Variants in TENT5D observed in about 807,000 individuals in gnomAD.
TENT5D encodes cancer/testis antigen 112.
For missense variants in TENT5D, 191 were observed against 287.0 expected, an observed-to-expected ratio of 0.67 and a Z score of 2.42; for synonymous variants, 103 against 100.6, an observed-to-expected ratio of 1.02 and a Z score of -0.15.
At chrX:80,405,916 C>G (rs985318882) in intron 3 of TENT5D, among the ~76,000 whole-genome samples, 2 of 110,174 alleles carry the variant, frequency 1.8e-5, no homozygotes, top group Non-Finnish European at 3.8e-5. Context: ...AACGGGCAGA[C>G]TGCCTCCTCA....
chrX:80,404,019 G>A (rs774209398), intron 3 of TENT5D, among the ~76,000 whole-genome samples: 5 of 111,318 alleles, frequency 4.5e-5, no homozygotes, highest in Admixed American at 1.9e-4. Flanking sequence ...AGGGGCTTCC[G>A]GGTTAGAAAT....
chrX:80,384,961 A>G lies in TENT5D; in HGVS notation c.-142+42397A>G, dbSNP rs759567581. 4.3e-3 allele frequency among the ~76,000 whole-genome samples: 481 copies of G among 111,725 alleles called. 2 individuals are homozygous for G. The highest frequency in any genetic ancestry group is 0.015 in the African/African-American group (451 of 30,736). On this transcript the variant is annotated intron_variant, in intron 3 of 4. Transcript: ENST00000538312. ...GGAAGAATATTCCATGCTCATGGAT[A>G]GGAAGAATCAATATTGTGAAAATGG...
upstream of TENT5D, among the ~76,000 whole-genome samples, chrX:80,418,438 A>G (rs1450192547): frequency 1.8e-5 from 2 of 111,839 alleles, no homozygotes; most frequent in African/African-American, 3.2e-5. Context: ...TAAAAAGTAT[A>G]TGTATCCAAA....
chrX:80,354,547 G>T (rs1930246500), intron 3 of TENT5D, among the ~76,000 whole-genome samples: 1 of 111,705 alleles, frequency 9.0e-6, no homozygotes, highest in South Asian at 3.7e-4. Context: ...GTTCAGTTTG[G>T]TTCTTTCTTA....
intron 3 of TENT5D, among the ~76,000 whole-genome samples, chrX:80,411,531 C>T (rs1931666611): frequency 9.0e-6 from 1 of 111,386 alleles, no homozygotes; most frequent in Non-Finnish European, 1.9e-5. Context: ...CCAAAAATTC[C>T]TCTTTATGTT....
chrX:80,383,586 T>C (rs1057333451), intron 3 of TENT5D, among the ~76,000 whole-genome samples: 1 of 112,284 alleles, frequency 8.9e-6, no homozygotes, highest in East Asian at 2.8e-4. Flanking sequence ...GCCGGGCGCA[T>C]TGGCTCACGC....
At chrX:80,430,379 G>A (rs1350850285) in intron 1 of TENT5D, among the ~76,000 whole-genome samples, 2 of 111,206 alleles carry the variant, frequency 1.8e-5, no homozygotes, top group Middle Eastern at 4.7e-3. Flanking sequence ...TATGACTGCT[G>A]GGAGCCCTGG....
intron 1 of TENT5D, among the ~76,000 whole-genome samples, chrX:80,429,469 A>AT (rs774905381): frequency 0.031 from 3,130 of 102,592 alleles, 53 homozygotes; most frequent in Non-Finnish European, 0.045. Flanking sequence ...CGCCCAGCTA[A>AT]TTTTTTTTTT....
chrX:80,378,516 G>A (rs1364657149), intron 3 of TENT5D, among the ~76,000 whole-genome samples: 3 of 110,288 alleles, frequency 2.7e-5, no homozygotes, highest in Admixed American at 9.7e-5. Context: ...ATTTTTGTCA[G>A]GACCATTATT....
intron 3 of TENT5D, among the ~76,000 whole-genome samples, chrX:80,381,776 A>G (rs1216676052): frequency 8.9e-6 from 1 of 111,791 alleles, no homozygotes; most frequent in African/African-American, 3.3e-5. Flanking sequence ...TGCATGCGTC[A>G]TGTAGTTCTC....
exon 3 of TENT5D, chrX:80,442,551 C>T (rs771522107): frequency 1.7e-6 from 2 of 1,198,898 alleles, no homozygotes; most frequent in South Asian, 3.6e-5. Flanking sequence ...TGTCTGAAAT[C>T]AGATTCACCA....
At chrX:80,378,963 T>G (rs1356767545) in intron 3 of TENT5D, among the ~76,000 whole-genome samples, 1 of 109,241 alleles carries the variant, frequency 9.2e-6, no homozygotes, top group Non-Finnish European at 1.9e-5. Context: ...AAGGGAATGC[T>G]TCCAGTTTTT....
intron 1 of TENT5D, among the ~76,000 whole-genome samples, chrX:80,427,456 A>G (rs1193864966): frequency 8.9e-6 from 1 of 112,428 alleles, no homozygotes; most frequent in Admixed American, 9.5e-5. Context: ...CATTTTACCA[A>G]TAATCTTTAA....
intron 3 of TENT5D, among the ~76,000 whole-genome samples, chrX:80,378,104 T>G (rs1277607327): frequency 8.9e-6 from 1 of 112,188 alleles, no homozygotes; most frequent in Non-Finnish European, 1.9e-5. Context: ...TCTTGTAAAT[T>G]TGTTTAAGTT....
intron 3 of TENT5D, among the ~76,000 whole-genome samples, chrX:80,362,379 G>T (rs1042887217): frequency 9.0e-6 from 1 of 111,320 alleles, no homozygotes; most frequent in Non-Finnish European, 1.9e-5. Context: ...TAACCAGGAT[G>T]GCCTCAATCT....
At chrX:80,357,218 A>G (rs1930302760) in intron 3 of TENT5D, among the ~76,000 whole-genome samples, 1 of 111,928 alleles carries the variant, frequency 8.9e-6, no homozygotes, top group Admixed American at 9.5e-5. Context: ...ACTGCAATAA[A>G]CATACATGTG....
intron 3 of TENT5D, among the ~76,000 whole-genome samples, chrX:80,397,801 C>T (rs887731040): frequency 7.1e-5 from 8 of 112,278 alleles, no homozygotes; most frequent in African/African-American, 9.7e-5. Context: ...TGGCGGCGCG[C>T]GCCTGCAATC....
At chrX:80,354,463 C>T (rs372985386) in intron 3 of TENT5D, among the ~76,000 whole-genome samples, 1 of 112,224 alleles carries the variant, frequency 8.9e-6, no homozygotes, top group South Asian at 3.7e-4. Context: ...ATTCTTTCCT[C>T]AGCTCAATCT....
intron 3 of TENT5D, among the ~76,000 whole-genome samples, chrX:80,343,440 C>T (rs1423489725): frequency 3.9e-5 from 4 of 101,893 alleles, no homozygotes; most frequent in Non-Finnish European, 7.9e-5. Flanking sequence ...TCTTGTCGCC[C>T]TGGCTGGAGT....
Sources: gnomAD v4.1 joint callset for allele counts (sites outside exome capture counted in the v4.1 genomes callset) on GRCh38, gnomAD v4.1.1 for gene constraint, MANE v1.5 for transcripts, NCBI Gene and HGNC (gene_info 2026-07-23, HGNC 2026-07-21) for gene names.